The following ZNF276 variants were observed in gnomAD, a reference collection of about 807,000 sequenced individuals.
ZNF276 encodes centromere protein Z.
Under a neutral mutation model 63.9 loss-of-function variants are expected in ZNF276, and 59 were observed. The ratio of observed to expected loss-of-function variants is 0.92; its 90% confidence interval spans 0.75 to 1.15. ZNF276 has a LOEUF of 1.15. ZNF276 is among the 50% of genes most tolerant of loss of function. The pLI, the probability that ZNF276 is intolerant of heterozygous loss-of-function variation, is 0.00. For synonymous variants in ZNF276, 496 were observed against 348.4 expected, an observed-to-expected ratio of 1.42 and a Z score of -4.72; for missense variants, 1,084 against 843.8, an observed-to-expected ratio of 1.28 and a Z score of -3.53.
chr16:89,722,927 C>G, intron 2 of ZNF276, 93 bp downstream of exon 2: 1 of 1,557,492 alleles, frequency 6.4e-7, no homozygotes, highest in South Asian at 1.2e-5. Flanking sequence ...CCGCGGGAGC[C>G]TCTGGGTGGG....
At chr16:89,727,894 G>T (rs984320794) in intron 5 of ZNF276, among the ~76,000 whole-genome samples, 2 of 152,184 alleles carry the variant, frequency 1.3e-5, no homozygotes, top group African/African-American at 4.8e-5. Context: ...CAGGAGGACG[G>T]GCCTCAGAAG....
upstream of ZNF276, chr16:89,720,919 C>T (rs1398829778): frequency 8.7e-6 from 11 of 1,260,654 alleles, no homozygotes; most frequent in South Asian, 2.6e-5. Flanking sequence ...CGACCGGAGG[C>T]CCGGAACGCA....
rs148047906 is a variant in ZNF276 at position 89,733,403 on chromosome 16, G to T, written c.1271G>T (p.Arg424Leu). ...AAGCCCGGATGGAAGAAGAAGCTTC[G>T]TTGTGAGAGGTGATGCCTGCAACGC... ...GPKPGWKKKL[R>L]CEREELPTIY... The change falls in exon 7 of 11, where the codon CGT (arginine) becomes CTT (leucine). Residue 424 changes from arginine to leucine, a missense_variant. By Grantham distance (102) the Arg-to-Leu change is moderately radical. Transcript: ENST00000443381. The T allele has an allele frequency of 3.7e-6, 6 of 1,614,050 alleles. No homozygotes were observed.
Position 89,740,009 on chromosome 16 carries a change from GAA to G in ZNF276, c.*1765_*1766del, listed in dbSNP as rs1281446470. The G allele has an allele frequency of 1.2e-6, 2 of 1,614,082 alleles. No individual in the cohort carries two copies. Among genetic ancestry groups the G allele is most frequent in the Non-Finnish European group, 1.7e-6 (2 of 1,180,020 alleles). On this transcript the variant is annotated 3_prime_UTR_variant, in exon 11 of 11. Transcript: ENST00000443381. ...TGTTTCTTACCACTCTCTGTCAACT[GAA>G]AGAGTGCCAGCCAGGATATCTTCCT...
chr16:89,722,968 A>T, intron 2 of ZNF276, 134 bp downstream of exon 2: 2 of 1,561,024 alleles, frequency 1.3e-6, no homozygotes, highest in Non-Finnish European at 1.7e-6. Context: ...TTCAGTGCCA[A>T]CAGCCCTGGG....
At position 89,722,807 on chromosome 16, in the gene ZNF276, C is replaced by G; in HGVS notation, c.482C>G (p.Pro161Arg). ...KSFLQRVNAS[P>R]AGRRKPCAKV... ...TTCCTGCAGAGGGTCAACGCCTCCCCGGCTGGTCGCCGGAAGCCTTGTGCA... is the reference window on the plus strand; with the variant it reads ...TTCCTGCAGAGGGTCAACGCCTCCCGGGCTGGTCGCCGGAAGCCTTGTGCA... Residue 161 changes from proline to arginine, a missense_variant, in exon 2 of 11, where the codon CCG (proline) becomes CGG (arginine). Coordinates refer to ENST00000443381, the MANE Select transcript of ZNF276 (RefSeq NM_001113525.2). The G allele has an allele frequency of 2.5e-6, 4 of 1,605,042 alleles. No individual in the cohort carries two copies. The highest frequency in any genetic ancestry group is 3.4e-6 in the Non-Finnish European group (4 of 1,179,896).
intron 4 of ZNF276, among the ~76,000 whole-genome samples, chr16:89,724,041 G>C (rs969938874): frequency 1.3e-5 from 2 of 152,274 alleles, no homozygotes; most frequent in Non-Finnish European, 2.9e-5. Context: ...GGCCTTGTCT[G>C]TGGATGTGGG....
intron 9 of ZNF276, among the ~76,000 whole-genome samples, chr16:89,736,667 C>T (rs1161090886): frequency 6.6e-6 from 1 of 151,654 alleles, no homozygotes; most frequent in Non-Finnish European, 1.5e-5. Context: ...TGGTGGTGCA[C>T]ACCTGTGGTC....
In ZNF276 at chr16:89,739,522, C is replaced by T. The variant is rs1274557789; in HGVS notation, c.*1276C>T. The T allele has an allele frequency of 1.9e-6, 3 of 1,551,348 alleles. No homozygotes were observed. Among genetic ancestry groups the T allele is most frequent in the South Asian group, 2.4e-5 (2 of 84,068 alleles). ...GCAGCCTGGTGTGCTGATCCGGGGC[C>T]ACACGGAGGAGGAGCCGCCCCAGCC... On this transcript the variant is annotated 3_prime_UTR_variant, in exon 11 of 11. Coordinates refer to ENST00000443381, the MANE Select transcript of ZNF276 (RefSeq NM_001113525.2).
At chr16:89,727,127 C>T (rs1285834225) in intron 4 of ZNF276, 152 bp from the exon 5 acceptor site, 3 of 781,250 alleles carry the variant, frequency 3.8e-6, no homozygotes, top group East Asian at 2.5e-5. Context: ...TGCATAGCAC[C>T]CTTGGTGGGG....
rs769218443 is a variant in ZNF276, at chr16:89,723,154, C to G, written c.527C>G (p.Pro176Arg). 6.2e-7 allele frequency: 1 copy of G among 1,613,236 alleles called. No individual in the cohort carries two copies. The highest frequency in any genetic ancestry group is 2.2e-5 in the East Asian group (1 of 44,872). The change falls in exon 3 of 11, where the codon CCA becomes CGA. Residue 176 changes from proline (P) to arginine (R), a missense_variant. Coordinates refer to ENST00000443381, the MANE Select transcript of ZNF276 (RefSeq NM_001113525.2). ...CTTTGCAGGGTCGGTGCCCAGCCCC[C>G]AACAGGGGCAGAGGAGGGAGCGTGT... ...KPCAKVGAQPPTGAEEGACLV... is the reference protein window; with the variant it reads ...KPCAKVGAQPRTGAEEGACLV...
chr16:89,734,155 A>G (rs2061771417), intron 9 of ZNF276, 117 bp downstream of exon 9: 2 of 912,486 alleles, frequency 2.2e-6, no homozygotes, highest in Non-Finnish European at 3.4e-6. Flanking sequence ...AAGGTGGCTC[A>G]TGGGGTCTTT....
At position 89,723,639 on chromosome 16, in the gene ZNF276, G is replaced by C. The variant is rs781362633; in HGVS notation, c.936G>C (p.Ser312=). The change falls in exon 4 of 11, where the codon TCG becomes TCC. Residue 312 remains serine (S), a synonymous_variant. Coordinates refer to ENST00000443381, the MANE Select transcript of ZNF276 (RefSeq NM_001113525.2). ...LPSTDVAQPP[S]DSDAVGPRSG... ...GCACGGATGTGGCCCAGCCTCCTTC[G>C]GACAGCGACGCGGTGGGGCCCAGGT... The C allele has an allele frequency of 1.9e-6, 3 of 1,612,572 alleles. No homozygotes were observed. The highest frequency in any genetic ancestry group is 1.3e-5 in the African/African-American group (1 of 74,960).
intron 5 of ZNF276, 95 bp from the exon 6 acceptor site, chr16:89,729,140 T>C: frequency 1.0e-6 from 1 of 968,374 alleles, no homozygotes; most frequent in South Asian, 1.4e-5. Flanking sequence ...ATGTGGGACA[T>C]GGGGGTCCAT....
chr16:89,729,641 T>A (rs2061582978), intron 6 of ZNF276, among the ~76,000 whole-genome samples: 1 of 152,148 alleles, frequency 6.6e-6, no homozygotes, highest in African/African-American at 2.4e-5. Context: ...TTACGTCCCT[T>A]CTGCCGGTCC....
chr16:89,734,098 CCA>C lies in ZNF276; in HGVS notation c.1474+61_1474+62del, dbSNP rs2061769067. On this transcript the variant is annotated intron_variant, in intron 9 of 10. Transcript: ENST00000443381. ...CAGCCAGGGGCACGTGACCTGCTTTCCAGTCTTCCTCATACCCATCCCCGCCC... is the reference window on the plus strand; with the variant it reads ...CAGCCAGGGGCACGTGACCTGCTTTCGTCTTCCTCATACCCATCCCCGCCC... The C allele has an allele frequency of 2.0e-6, 3 of 1,525,232 alleles. No homozygotes were observed. The Admixed American group carries it at 5.1e-5, about 26-fold the overall frequency. The allele number at this position is 1,525,232 out of a possible 1,614,324, so 94.5% of individuals were successfully genotyped here.
chr16:89,720,899 GC>G, upstream of ZNF276: 1 of 1,294,398 alleles, frequency 7.7e-7, no homozygotes, highest in Non-Finnish European at 9.8e-7. Flanking sequence ...TAGCCGAGGG[GC>G]TGGACGGGCG....
chr16:89,726,807 G>C (rs1387793710), intron 4 of ZNF276, among the ~76,000 whole-genome samples: 2 of 150,708 alleles, frequency 1.3e-5, no homozygotes, highest in Non-Finnish European at 2.9e-5. Flanking sequence ...CACCATGCCC[G>C]GCTAATTTTT....
chr16:89,729,361 G>T, intron 6 of ZNF276, 43 bp downstream of exon 6: 1 of 1,567,064 alleles, frequency 6.4e-7, no homozygotes, highest in South Asian at 1.1e-5. Context: ...TCCGTTGGGC[G>T]ACCTAGACAC....
Sources: allele counts gnomAD v4.1 joint callset (sites outside exome capture counted in the v4.1 genomes callset), GRCh38; gene constraint gnomAD v4.1.1; transcripts MANE v1.5; gene names NCBI Gene and HGNC (gene_info 2026-07-23, HGNC 2026-07-21).